TBCK: variants seen among roughly 807,000 people sequenced by gnomAD.
TBCK encodes the protein TBC1 domain containing kinase.
In TBCK, 99 loss-of-function variants were observed where a neutral mutation model predicts 113.4. That is an observed-to-expected ratio of 0.87 (90% CI 0.74 to 1.03). TBCK has a LOEUF of 1.03. Ranked by LOEUF, TBCK falls within the 50% of genes least tolerant of loss-of-function variation. The pLI, the probability that TBCK is intolerant of heterozygous loss-of-function variation, is 0.00. For synonymous variants in TBCK, 369 were observed against 370.8 expected (o/e 1.00, Z 0.05); for missense variants, 1,045 against 1,061.3 (o/e 0.98, Z 0.21).
chr4:106,053,144 T>C (rs1734989691), intron 25 of TBCK, among the ~76,000 whole-genome samples: 1 of 151,612 alleles, frequency 6.6e-6, no homozygotes, highest in Non-Finnish European at 1.5e-5. Context: ...ATAATTAAAT[T>C]TGTTGAGTCA....
At chr4:106,149,021 G>A (rs62321374) in intron 23 of TBCK, among the ~76,000 whole-genome samples, 11,681 of 152,222 alleles carry the variant, frequency 0.077, 512 homozygotes, top group Middle Eastern at 0.18. Flanking sequence ...GTACTTTTAC[G>A]TTTTGAAGAC....
intron 20 of TBCK, among the ~76,000 whole-genome samples, chr4:106,195,057 A>G (rs1172663326): frequency 1.3e-5 from 2 of 151,948 alleles, no homozygotes; most frequent in Non-Finnish European, 2.9e-5. Context: ...TGTTTTCTGT[A>G]TGTCACTTTT....
At chr4:106,193,071 A>G (rs901654138) in intron 22 of TBCK, among the ~76,000 whole-genome samples, 1 of 152,158 alleles carries the variant, frequency 6.6e-6, no homozygotes, top group Non-Finnish European at 1.5e-5. Flanking sequence ...CTAGGTTTAC[A>G]AACTCCTTAC....
chr4:106,072,196 G>A lies in TBCK; in HGVS notation c.2571+23286C>T, dbSNP rs566797878. 2.0e-5 allele frequency among the ~76,000 whole-genome samples: 3 copies of A among 152,292 alleles called. No homozygotes were observed. The South Asian group carries it at 6.2e-4, about 32-fold the overall frequency. On this transcript the variant is annotated intron_variant, in intron 25 of 25. Coordinates refer to ENST00000394708, the MANE Select transcript of TBCK (RefSeq NM_001163435.3). ...ATGCAGTTTCTTCCTAGCATCGATA[G>A]TCTTTACAATTTGGCATGTTTTTGC...
chr4:106,222,361 T>C (rs1442341972), intron 19 of TBCK, among the ~76,000 whole-genome samples: 1 of 152,150 alleles, frequency 6.6e-6, no homozygotes, highest in Non-Finnish European at 1.5e-5. Context: ...TTGTAAGAAT[T>C]TTATATGACA....
At chr4:106,095,372 C>G (rs1394628886) in intron 25 of TBCK, 110 bp downstream of exon 25, 4 of 971,994 alleles carry the variant, frequency 4.1e-6, no homozygotes, top group Non-Finnish European at 5.9e-6. Context: ...CTTCAAAGCT[C>G]ATAGTATTTG....
At chr4:106,248,488 C>T (rs559475348) in intron 8 of TBCK, among the ~76,000 whole-genome samples, 182 bp from the exon 9 acceptor site, 55 of 152,234 alleles carry the variant, frequency 3.6e-4, no homozygotes, top group Admixed American at 7.9e-4. Context: ...TTTAAAATAG[C>T]TTCCAACTGG....
intron 23 of TBCK, among the ~76,000 whole-genome samples, chr4:106,125,060 A>G (rs1745009530): frequency 6.6e-6 from 1 of 152,178 alleles, no homozygotes; most frequent in African/African-American, 2.4e-5. Flanking sequence ...GCCGTTATCA[A>G]AAAGGCAAAA....
At chr4:106,123,696 G>T (rs1033626246) in intron 23 of TBCK, among the ~76,000 whole-genome samples, 1 of 151,986 alleles carries the variant, frequency 6.6e-6, no homozygotes. Context: ...AAATAACGTC[G>T]CATATCTACA....
At chr4:106,307,102 C>G (rs971456808) in intron 2 of TBCK, among the ~76,000 whole-genome samples, 1 of 152,078 alleles carries the variant, frequency 6.6e-6, no homozygotes, top group African/African-American at 2.4e-5. Flanking sequence ...ATTTATGGTA[C>G]GGAATAGCTC....
At chr4:106,242,045 A>T (rs1760201267) in intron 12 of TBCK, among the ~76,000 whole-genome samples, 1 of 152,054 alleles carries the variant, frequency 6.6e-6, no homozygotes, top group Non-Finnish European at 1.5e-5. Context: ...TCAACAGAAA[A>T]ACTGACAAGA....
chr4:106,222,873 G>C (rs1264677542), intron 19 of TBCK, among the ~76,000 whole-genome samples: 1 of 152,034 alleles, frequency 6.6e-6, no homozygotes, highest in Non-Finnish European at 1.5e-5. Flanking sequence ...GTGGAAAGAA[G>C]GGGTTCAAAA....
At position 106,251,926 on chromosome 4, in the gene TBCK, C is replaced by A. The variant is rs1761475257; in HGVS notation, c.537G>T (p.Leu179Phe). ...TTDHMPSKKPLPSGPKSDVWS... is the reference protein window; with the variant it reads ...TTDHMPSKKPFPSGPKSDVWS... The stretch of plus-strand genomic sequence containing the variant: ...ATACATCTGATTTGGGGCCAGAAGG[C>A]AATGGTTTTTTACTTGGCATGTGAT... Residue 179 changes from leucine (L) to phenylalanine (F), a missense_variant, in exon 6 of 26, where the codon TTG becomes TTT. Physicochemically the swap from Leu to Phe is conservative, Grantham distance 22. Coordinates refer to ENST00000394708, the MANE Select transcript of TBCK (RefSeq NM_001163435.3). The A allele has an allele frequency of 1.9e-6, 3 of 1,611,440 alleles. No homozygotes were observed. The highest frequency in any genetic ancestry group is 2.5e-6 in the Non-Finnish European group (3 of 1,178,334).
intron 5 of TBCK, among the ~76,000 whole-genome samples, chr4:106,252,269 T>A (rs769162287): frequency 7.9e-5 from 12 of 152,110 alleles, no homozygotes; most frequent in African/African-American, 1.4e-4. Context: ...TCTCTCTGTG[T>A]TTTTAACACA....
chr4:106,157,243 C>G (rs1185126608), intron 23 of TBCK, among the ~76,000 whole-genome samples: 2 of 152,136 alleles, frequency 1.3e-5, no homozygotes, highest in African/African-American at 4.8e-5. Context: ...CTTTATTCTT[C>G]TCCCTCCTCT....
chr4:106,148,293 C>T (rs888759011), intron 23 of TBCK, among the ~76,000 whole-genome samples: 2 of 152,212 alleles, frequency 1.3e-5, no homozygotes, highest in Non-Finnish European at 2.9e-5. Flanking sequence ...ACTCCCTCCC[C>T]TTTTGAAAGT....
At chr4:106,263,891 G>A (rs973230614) in intron 3 of TBCK, among the ~76,000 whole-genome samples, 3 of 151,898 alleles carry the variant, frequency 2.0e-5, no homozygotes, top group Non-Finnish European at 4.4e-5. Flanking sequence ...CTATGCAAGA[G>A]GATATAATTG....
intron 20 of TBCK, 118 bp from the exon 21 acceptor site, chr4:106,194,872 G>T: frequency 1.1e-6 from 1 of 935,682 alleles, no homozygotes; most frequent in Non-Finnish European, 1.6e-6. Flanking sequence ...CTACTTTATT[G>T]GTTAAAATAA....
rs1750938207 is a variant in TBCK at position 106,171,096 on chromosome 4, A to C, written c.2234T>G (p.Leu745Arg). Residue 745 changes from leucine (L) to arginine (R), a missense_variant and splice_region_variant, in exon 23 of 26, where the codon CTG becomes CGG. Coordinates refer to ENST00000394708, the MANE Select transcript of TBCK (RefSeq NM_001163435.3). ...AECPDPPKTD[L>R]SRESIPLNDL... ...TAAACTAAATCCGCAAATACATACC[A>C]GATCTGTCTTTGGAGGATCTGGACA... is the stretch of plus-strand genomic sequence containing the variant. 1 of 1,593,914 alleles carries C rather than the reference A, an allele frequency of 6.3e-7. No individual in the cohort carries two copies. Among genetic ancestry groups the C allele is most frequent in the Admixed American group, 1.9e-5 (1 of 54,012 alleles).
Sources: allele counts gnomAD v4.1 joint callset (sites outside exome capture counted in the v4.1 genomes callset), GRCh38; gene constraint gnomAD v4.1.1; transcripts MANE v1.5; gene names NCBI Gene and HGNC (gene_info 2026-07-23, HGNC 2026-07-21).